PDE1A: variants seen among roughly 807,000 people sequenced by gnomAD.
PDE1A encodes the protein dual specificity calcium/calmodulin-dependent 3',5'-cyclic nucleotide phosphodiesterase 1A.
Under a neutral mutation model 61.7 loss-of-function variants are expected in PDE1A, and 35 were observed. The observed-to-expected ratio is 0.57, with a 90% CI of 0.43 to 0.75. PDE1A has a LOEUF of 0.75. Ranked by LOEUF, PDE1A falls within the 30% of genes least tolerant of loss-of-function variation. The probability of loss-of-function intolerance (pLI) is 0.00; values close to 1 mark genes in which losing one functional copy is unlikely to be tolerated. For synonymous variants in PDE1A, 232 were observed against 213.2 expected, an observed-to-expected ratio of 1.09 and a Z score of -0.77; for missense variants, 597 against 630.6, an observed-to-expected ratio of 0.95 and a Z score of 0.57.
chr2:182,346,307 G>A (rs1237883000), intron 1 of PDE1A, among the ~76,000 whole-genome samples: 2 of 152,006 alleles, frequency 1.3e-5, no homozygotes, highest in Non-Finnish European at 2.9e-5. Flanking sequence ...AATTGCAAAA[G>A]GAAAACTCAA....
intron 2 of PDE1A, 124 bp from the exon 3 acceptor site, chr2:182,240,416 G>A (rs1030482348): frequency 1.8e-6 from 1 of 558,012 alleles, no homozygotes; most frequent in Non-Finnish European, 2.9e-6. Flanking sequence ...TCCTTAATAT[G>A]TACTCTCTAA....
At chr2:182,549,913 C>A in the PDE1A span, among the ~76,000 whole-genome samples, 2 of 152,060 alleles carry the variant, frequency 1.3e-5, no homozygotes, top group East Asian at 3.9e-4. Context: ...GGAAGAAAAT[C>A]TGATTATTCT....
At chr2:182,249,284 C>T (rs1301843691) in intron 2 of PDE1A, among the ~76,000 whole-genome samples, 1 of 152,222 alleles carries the variant, frequency 6.6e-6, no homozygotes, top group East Asian at 1.9e-4. Context: ...ATGTAGGAGA[C>T]AGGCTTGGGG....
intron 1 of PDE1A, among the ~76,000 whole-genome samples, chr2:182,325,747 G>A (rs1200905615): frequency 1.3e-5 from 2 of 151,952 alleles, no homozygotes; most frequent in African/African-American, 4.8e-5. Flanking sequence ...GTGAAACCCC[G>A]TCTCTACTAA....
At chr2:182,342,248 G>A (rs555638724) in intron 1 of PDE1A, among the ~76,000 whole-genome samples, 1 of 152,230 alleles carries the variant, frequency 6.6e-6, no homozygotes, top group African/African-American at 2.4e-5. Context: ...AAGTGTTGTT[G>A]TTGTTTGTTT....
chr2:182,300,902 C>T (rs192568626), intron 1 of PDE1A, among the ~76,000 whole-genome samples: 300 of 152,286 alleles, frequency 2.0e-3, no homozygotes, highest in Middle Eastern at 3.4e-3. Flanking sequence ...AAGCTACTTC[C>T]TCCGTCAAAT....
At chr2:182,151,729 T>C (rs1295874358) in intron 13 of PDE1A, among the ~76,000 whole-genome samples, 2 of 152,218 alleles carry the variant, frequency 1.3e-5, no homozygotes, top group Admixed American at 6.5e-5. Context: ...TGTTGTTCTT[T>C]TTGTATTTTT....
At chr2:182,513,626 G>A (rs757024141) in intron 2 of PDE1A, among the ~76,000 whole-genome samples, 9 of 152,134 alleles carry the variant, frequency 5.9e-5, no homozygotes, top group Admixed American at 1.3e-4. Flanking sequence ...CAGGCTAAAC[G>A]CCCCACTTAA....
chr2:182,634,391 GCTTT>G, the PDE1A span, among the ~76,000 whole-genome samples: 2 of 152,072 alleles, frequency 1.3e-5, no homozygotes, highest in Admixed American at 1.3e-4. Flanking sequence ...AGAGAAAGCA[GCTTT>G]CTATCTCCAA....
chr2:182,632,783 C>G, the PDE1A span, among the ~76,000 whole-genome samples: 1 of 152,066 alleles, frequency 6.6e-6, no homozygotes, highest in African/African-American at 2.4e-5. Flanking sequence ...ACTTAGCCCC[C>G]CACAATTTTA....
rs142322845 is a variant in PDE1A at position 182,377,299 on chromosome 2, C to T, written c.53+49279G>A. Among the ~76,000 whole-genome samples, 1,129 of 152,148 alleles carry T rather than the reference C, an allele frequency of 7.4e-3. 8 individuals carry two copies. The highest frequency in any genetic ancestry group is 0.02 in the Middle Eastern group (6 of 294). On this transcript the variant is annotated intron_variant, in intron 1 of 13. Transcript: ENST00000351439. The stretch of plus-strand genomic sequence containing the variant: ...GGATTAGAAGTGTGCAGCACCTACA[C>T]CCCCTGACCCTTTATCTTTCTCCTG...
the PDE1A span, among the ~76,000 whole-genome samples, chr2:182,705,485 A>AT: frequency 1.3e-5 from 2 of 152,120 alleles, no homozygotes; most frequent in African/African-American, 4.8e-5. Context: ...CTATAAATTA[A>AT]TCTTCATGAG....
the PDE1A span, among the ~76,000 whole-genome samples, chr2:182,666,586 A>C: frequency 2.4e-4 from 35 of 147,342 alleles, no homozygotes; most frequent in African/African-American, 8.7e-4. Context: ...CCAGCCTAGG[A>C]AACAACAGTA....
In PDE1A at chr2:182,358,265, C is replaced by T. The variant is rs76401499; in HGVS notation, c.53+68313G>A. On this transcript the variant is annotated intron_variant, in intron 1 of 13. Coordinates refer to ENST00000351439, the Ensembl canonical transcript of PDE1A. ...TCCTTTCCATATTTATCTCCCTCTA[C>T]TCAGCCACTCTCCCTCAAGGTTCAC... is the stretch of plus-strand genomic sequence containing the variant. 8.7e-3 allele frequency among the ~76,000 whole-genome samples: 1,317 copies of T among 152,254 alleles called. 10 individuals carry two copies. Among genetic ancestry groups the T allele is most frequent in the Non-Finnish European group, 0.015 (989 of 68,022 alleles).
chr2:182,583,089 A>C, the PDE1A span, among the ~76,000 whole-genome samples: 1 of 152,146 alleles, frequency 6.6e-6, no homozygotes, highest in Non-Finnish European at 1.5e-5. Context: ...AGAACAAAGA[A>C]ACAGCTGCTT....
the PDE1A span, among the ~76,000 whole-genome samples, chr2:182,592,925 A>C: frequency 6.6e-6 from 1 of 152,154 alleles, no homozygotes; most frequent in Non-Finnish European, 1.5e-5. Context: ...TAAAACGACG[A>C]GGTGACCCAG....
chr2:182,452,556 TCAC>T (rs1685600521), intron 2 of PDE1A, among the ~76,000 whole-genome samples: 1 of 152,148 alleles, frequency 6.6e-6, no homozygotes, highest in Non-Finnish European at 1.5e-5. Flanking sequence ...GATTCTGTGA[TCAC>T]CACTAATCCA....
intron 2 of PDE1A, among the ~76,000 whole-genome samples, chr2:182,259,739 T>A (rs528504184): frequency 6.6e-6 from 1 of 152,316 alleles, no homozygotes; most frequent in African/African-American, 2.4e-5. Context: ...ATAAATTGTG[T>A]TTTTAGGAGG....
At chr2:182,364,899 G>A (rs1205695382) in intron 1 of PDE1A, among the ~76,000 whole-genome samples, 2 of 151,932 alleles carry the variant, frequency 1.3e-5, no homozygotes, top group African/African-American at 4.8e-5. Context: ...TCTAAAACAG[G>A]CAAATATTGG....
Sources: allele counts gnomAD v4.1 joint callset (sites outside exome capture counted in the v4.1 genomes callset), GRCh38; gene constraint gnomAD v4.1.1; transcripts MANE v1.5; gene names NCBI Gene and HGNC (gene_info 2026-07-23, HGNC 2026-07-21).